Variants in NELL2 observed in about 807,000 individuals in gnomAD.
The protein encoded by NELL2 is protein kinase C-binding protein NELL2.
NELL2 carries 41 observed loss-of-function variants against 109.6 expected under a neutral mutation model. The ratio of observed to expected loss-of-function variants is 0.37; its 90% confidence interval spans 0.29 to 0.49. The LOEUF (loss-of-function observed/expected upper bound fraction) is 0.49, where lower values mean the gene tolerates loss of function less well. Among genes scored for constraint, NELL2 ranks in the 20% least tolerant of loss-of-function variants. The pLI is 0.98. For synonymous variants in NELL2, 355 were observed against 344.7 expected (o/e 1.03, Z -0.33); for missense variants, 900 against 1,008.3 (o/e 0.89, Z 1.45).
At chr12:44,750,044 A>G (rs1940579089) in intron 9 of NELL2, among the ~76,000 whole-genome samples, 1 of 152,122 alleles carries the variant, frequency 6.6e-6, no homozygotes. Flanking sequence ...GGAACATATA[A>G]AAAGAGAGAG....
chr12:44,715,597 G>A (rs1196203187), intron 9 of NELL2, among the ~76,000 whole-genome samples: 1 of 151,908 alleles, frequency 6.6e-6, no homozygotes, highest in Non-Finnish European at 1.5e-5. Flanking sequence ...CTTGTAAGAT[G>A]CTGAACTAAG....
rs1447910339 is a variant in NELL2 at position 44,668,163 on chromosome 12, C to T, written c.1319-2554G>A. Among the ~76,000 whole-genome samples the T allele has an allele frequency of 4.6e-5, 7 of 152,228 alleles. No individual in the cohort carries two copies. In the East Asian group the frequency reaches 5.8e-4, roughly 13 times the overall value. ...TACCAGCTGGACCCATCAGTGCAAG[C>T]GGGTCCCCAGCACTCTAGTCCACAC... On this transcript the variant is annotated intron_variant, in intron 12 of 19. Coordinates refer to ENST00000429094, the MANE Select transcript of NELL2 (RefSeq NM_001145108.2).
intron 2 of NELL2, among the ~76,000 whole-genome samples, chr12:44,824,365 C>A (rs892153999): frequency 1.3e-5 from 2 of 152,036 alleles, no homozygotes; most frequent in Non-Finnish European, 2.9e-5. Context: ...GAAGTTTTCC[C>A]CTGTTTTCTT....
At chr12:44,896,324 TGAGG>T (rs1203357840) in intron 1 of NELL2, among the ~76,000 whole-genome samples, 1 of 152,222 alleles carries the variant, frequency 6.6e-6, no homozygotes, top group African/African-American at 2.4e-5. Flanking sequence ...GATATCCAGC[TGAGG>T]TAAGGTCTAT....
chr12:44,799,968 T>A (rs1370443967), intron 3 of NELL2, among the ~76,000 whole-genome samples: 1 of 152,152 alleles, frequency 6.6e-6, no homozygotes, highest in Non-Finnish European at 1.5e-5. Flanking sequence ...AGTGGTCAAG[T>A]AGAGTTCAAA....
rs534785997 is a variant in NELL2, at chr12:44,563,730, C to T, written c.1664-31009G>A. Among the ~76,000 whole-genome samples the T allele has an allele frequency of 7.2e-4, 110 of 152,286 alleles. 2 individuals are homozygous for T. The South Asian group carries it at 0.018, about 24-fold the overall frequency. On this transcript the variant is annotated intron_variant, in intron 15 of 19. Transcript: ENST00000429094. The stretch of plus-strand genomic sequence containing the variant: ...TAAATATTAATTCTCATTGAAAATA[C>T]GGAACTGTCAGTTCGTTGATACTTT...
At chr12:44,802,930 C>T (rs1047836637) in intron 3 of NELL2, among the ~76,000 whole-genome samples, 17 of 151,800 alleles carry the variant, frequency 1.1e-4, no homozygotes, top group Admixed American at 7.2e-4. Context: ...GAATAAAATT[C>T]GAATTTCTCC....
At chr12:44,547,327 T>A (rs904831718) in intron 15 of NELL2, among the ~76,000 whole-genome samples, 4 of 152,232 alleles carry the variant, frequency 2.6e-5, no homozygotes, top group African/African-American at 9.6e-5. Context: ...AGTGATTAAA[T>A]AAATTATAGC....
At chr12:44,624,890 G>C (rs1438715450) in intron 13 of NELL2, among the ~76,000 whole-genome samples, 1 of 151,000 alleles carries the variant, frequency 6.6e-6, no homozygotes, top group African/African-American at 2.4e-5. Context: ...GACCATTATG[G>C]AAAGTTCCAG....
intron 9 of NELL2, among the ~76,000 whole-genome samples, chr12:44,726,700 A>G (rs1939100039): frequency 6.6e-6 from 1 of 152,180 alleles, no homozygotes; most frequent in Non-Finnish European, 1.5e-5. Context: ...CGTGTTTAAA[A>G]TAAATTTAAC....
chr12:44,918,979 G>A (rs1427574915), upstream of NELL2, among the ~76,000 whole-genome samples: 2 of 152,160 alleles, frequency 1.3e-5, no homozygotes, highest in Non-Finnish European at 2.9e-5. Flanking sequence ...CAATTAACAT[G>A]CTAAGAATGA....
At chr12:44,526,434 C>T (rs1233024849) in intron 16 of NELL2, among the ~76,000 whole-genome samples, 1 of 152,146 alleles carries the variant, frequency 6.6e-6, no homozygotes, top group Non-Finnish European at 1.5e-5. Context: ...AGACATAATA[C>T]TGTTACATAA....
chr12:44,576,448 T>C (rs1944087245), intron 15 of NELL2, among the ~76,000 whole-genome samples: 1 of 152,164 alleles, frequency 6.6e-6, no homozygotes, highest in African/African-American at 2.4e-5. Flanking sequence ...ATAATTATCA[T>C]CATGATCACT....
intron 1 of NELL2, among the ~76,000 whole-genome samples, chr12:44,910,985 A>G (rs1279180175): frequency 6.6e-6 from 1 of 151,914 alleles, no homozygotes; most frequent in Non-Finnish European, 1.5e-5. Flanking sequence ...AATAATAGAC[A>G]CTGGAGACGA....
chr12:44,691,195 A>C (rs1948889228), intron 12 of NELL2, among the ~76,000 whole-genome samples: 1 of 152,176 alleles, frequency 6.6e-6, no homozygotes, highest in Non-Finnish European at 1.5e-5. Context: ...CCCTACATTG[A>C]CCAAGTCTGC....
At chr12:44,588,847 G>T (rs878944162) in intron 15 of NELL2, among the ~76,000 whole-genome samples, 1 of 152,196 alleles carries the variant, frequency 6.6e-6, no homozygotes, top group Admixed American at 6.5e-5. Flanking sequence ...TATCCATTAT[G>T]CAATAATTCC....
chr12:44,875,792 G>A, intron 1 of NELL2, 23 bp downstream of exon 1: 1 of 1,612,928 alleles, frequency 6.2e-7, no homozygotes, highest in East Asian at 2.2e-5. Flanking sequence ...CCTTTCCCCA[G>A]CCCCAGCTCT....
At chr12:44,843,321 T>C (rs1052786296) in intron 2 of NELL2, among the ~76,000 whole-genome samples, 1 of 152,118 alleles carries the variant, frequency 6.6e-6, no homozygotes, top group Non-Finnish European at 1.5e-5. Context: ...ACATTATTTA[T>C]CATCAGAGAA....
At chr12:44,544,701 T>C (rs1228984033) in intron 15 of NELL2, among the ~76,000 whole-genome samples, 1 of 152,050 alleles carries the variant, frequency 6.6e-6, no homozygotes, top group Non-Finnish European at 1.5e-5. Flanking sequence ...TTTAGAAATG[T>C]TGAGTATAAT....
Sources: gnomAD v4.1 joint callset for allele counts (sites outside exome capture counted in the v4.1 genomes callset) on GRCh38, gnomAD v4.1.1 for gene constraint, MANE v1.5 for transcripts, NCBI Gene and HGNC (gene_info 2026-07-23, HGNC 2026-07-21) for gene names.